SIK3: variants seen among roughly 807,000 people sequenced by gnomAD.
SIK3 encodes serine/threonine-protein kinase SIK3.
In SIK3, 28 loss-of-function variants were observed where a neutral mutation model predicts 144.2. That is an observed-to-expected ratio of 0.19 (90% confidence interval 0.14 to 0.27). The LOEUF (loss-of-function observed/expected upper bound fraction) is 0.27. Among genes scored for constraint, SIK3 ranks in the 10% least tolerant of loss-of-function variants. The pLI is 1.00. For missense variants in SIK3, 1,319 were observed against 1,776.0 expected, an observed-to-expected ratio of 0.74 and a Z score of 4.62; for synonymous variants, 686 against 676.3, an observed-to-expected ratio of 1.01 and a Z score of -0.22.
chr11:117,039,435 C>T (rs779518786), intron 1 of SIK3, among the ~76,000 whole-genome samples: 1 of 152,108 alleles, frequency 6.6e-6, no homozygotes, highest in Non-Finnish European at 1.5e-5. Context: ...CAGAACAAAC[C>T]CTACAATTAA....
At chr11:116,862,390 G>T in intron 16 of SIK3, 63 bp from the exon 17 acceptor site, 1 of 1,606,290 alleles carries the variant, frequency 6.2e-7, no homozygotes. Context: ...AGTGATTTCA[G>T]CAGATGCAGA....
intron 1 of SIK3, among the ~76,000 whole-genome samples, chr11:116,992,222 G>A (rs909857640): frequency 2.6e-5 from 4 of 151,734 alleles, no homozygotes; most frequent in African/African-American, 4.8e-5. Flanking sequence ...CTACTCAGGA[G>A]GCTGAGGCAA....
chr11:117,019,669 A>AGT (rs1391363191), intron 1 of SIK3, among the ~76,000 whole-genome samples: 2 of 151,582 alleles, frequency 1.3e-5, no homozygotes, highest in Admixed American at 6.6e-5. Context: ...GCTGGGATGC[A>AGT]GTGGCGTGAT....
chr11:117,087,466 G>A (rs1202492549), intron 1 of SIK3, among the ~76,000 whole-genome samples: 1 of 152,004 alleles, frequency 6.6e-6, no homozygotes. Context: ...ATTTACACTT[G>A]AATTCTTGTC....
intron 6 of SIK3, among the ~76,000 whole-genome samples, chr11:116,893,048 G>A (rs1277260280): frequency 6.6e-6 from 1 of 152,192 alleles, no homozygotes; most frequent in African/African-American, 2.4e-5. Flanking sequence ...TAGTTGCAGG[G>A]GGTTAGGGAG....
intron 1 of SIK3, among the ~76,000 whole-genome samples, chr11:116,989,443 G>T (rs546794422): frequency 5.3e-5 from 8 of 152,178 alleles, no homozygotes; most frequent in African/African-American, 1.7e-4. Context: ...AAATGTTGCT[G>T]GCTCAACACA....
chr11:116,964,894 T>C (rs996849548), intron 1 of SIK3, among the ~76,000 whole-genome samples: 20 of 151,708 alleles, frequency 1.3e-4, no homozygotes, highest in African/African-American at 4.6e-4. Context: ...AAAATAATAA[T>C]AATAATAATA....
At position 116,927,334 on chromosome 11, in the gene SIK3, C is replaced by G; in HGVS notation, c.501G>C (p.Arg167=). Residue 167 remains arginine (R), a synonymous_variant, in exon 4 of 25, where the codon CGG becomes CGC. Transcript: ENST00000445177. ...HGRMAEKEAR[R]KFKQIVTAVY... is the part of the protein sequence containing the mutation. ...CAGCTGTGACGATCTGTTTGAACTT[C>G]CGACGTGCCTCCTTTTCTGCCATTC... 1.9e-6 allele frequency: 3 copies of G among 1,614,030 alleles called. 1 individual carries two copies. The South Asian group carries it at 3.3e-5, about 18-fold the overall frequency.
intron 1 of SIK3, among the ~76,000 whole-genome samples, chr11:117,090,393 A>G (rs145836566): frequency 5.8e-4 from 88 of 152,282 alleles, no homozygotes; most frequent in African/African-American, 1.7e-3. Context: ...AATGAAAAAA[A>G]AAAAAAAGAG....
In SIK3 at chr11:117,050,059, G is replaced by A. The variant is rs11216246; in HGVS notation, c.273+48084C>T. On this transcript the variant is annotated intron_variant, in intron 1 of 24. Transcript: ENST00000445177. Reference sequence around the variant, plus strand: ...TAATCCCAATGCTCTGGGAGGCCAAGGCAGGCGGATCACCTGAGGTCAGGG... The same window carrying A: ...TAATCCCAATGCTCTGGGAGGCCAAAGCAGGCGGATCACCTGAGGTCAGGG... Among the ~76,000 whole-genome samples, 1,169 of 152,294 alleles carry A rather than the reference G, an allele frequency of 7.7e-3. 14 individuals carry two copies. Among genetic ancestry groups the A allele is most frequent in the African/African-American group, 0.024 (1,001 of 41,560 alleles).
rs554818440 is a variant in SIK3, at chr11:117,018,590, T to C, written c.274-61526A>G. Among the ~76,000 whole-genome samples, 3 of 152,094 alleles carry C rather than the reference T, an allele frequency of 2.0e-5. No individual in the cohort carries two copies. In the South Asian group the frequency reaches 6.2e-4, roughly 32 times the overall value. ...TCCAAACCAGCCTAATTAACTGCAGTCCACAGCAAGTGGGCAAATGTTGCT... is the reference window on the plus strand; with the variant it reads ...TCCAAACCAGCCTAATTAACTGCAGCCCACAGCAAGTGGGCAAATGTTGCT... On this transcript the variant is annotated intron_variant, in intron 1 of 24. Coordinates refer to ENST00000445177, the MANE Select transcript of SIK3 (RefSeq NM_001366686.3).
intron 1 of SIK3, among the ~76,000 whole-genome samples, chr11:117,086,941 G>C (rs1413408837): frequency 2.0e-5 from 3 of 147,078 alleles, no homozygotes; most frequent in Non-Finnish European, 3.0e-5. Context: ...GTTGCAGTGA[G>C]CCAAGATCAC....
chr11:116,878,783 GTT>G (rs1944395942), intron 6 of SIK3, among the ~76,000 whole-genome samples: 1 of 152,114 alleles, frequency 6.6e-6, no homozygotes, highest in African/African-American at 2.4e-5. Context: ...GTGTTTTTTT[GTT>G]TGTTTTTTCC....
At chr11:116,949,800 T>TG (rs1452680579) in intron 3 of SIK3, among the ~76,000 whole-genome samples, 1 of 152,218 alleles carries the variant, frequency 6.6e-6, no homozygotes, top group Non-Finnish European at 1.5e-5. Context: ...CCCTCTACTG[T>TG]TCTTGAGAGT....
intron 1 of SIK3, among the ~76,000 whole-genome samples, chr11:117,008,075 C>CAAAAAAAAA (rs59486431): frequency 3.7e-5 from 2 of 54,662 alleles, no homozygotes; most frequent in East Asian, 7.8e-4. Context: ...GACTCCATCT[C>CAAAAAAAAA]AAAAAAAAAA....
At chr11:117,011,174 A>G (rs540838034) in intron 1 of SIK3, among the ~76,000 whole-genome samples, 1 of 152,292 alleles carries the variant, frequency 6.6e-6, no homozygotes, top group South Asian at 2.1e-4. Context: ...TATAAATTTT[A>G]AAAGAAGAAA....
At chr11:117,016,259 G>T (rs1951517880) in intron 1 of SIK3, among the ~76,000 whole-genome samples, 1 of 148,308 alleles carries the variant, frequency 6.7e-6, no homozygotes, top group Non-Finnish European at 1.5e-5. Flanking sequence ...CCAGGAGGCG[G>T]CCCTTGCAGT....
At chr11:117,067,932 C>G (rs894477389) in intron 1 of SIK3, among the ~76,000 whole-genome samples, 4 of 151,926 alleles carry the variant, frequency 2.6e-5, no homozygotes, top group Admixed American at 2.0e-4. Context: ...TGCAGTGAGC[C>G]GAGATCGCGC....
chr11:117,083,764 TTC>T (rs1299001971), intron 1 of SIK3, among the ~76,000 whole-genome samples: 1 of 152,168 alleles, frequency 6.6e-6, no homozygotes, highest in Non-Finnish European at 1.5e-5. Flanking sequence ...ATAAAAACAG[TTC>T]TGTTTCTTGC....
Sources: allele counts gnomAD v4.1 joint callset (sites outside exome capture counted in the v4.1 genomes callset), GRCh38; gene constraint gnomAD v4.1.1; transcripts MANE v1.5; gene names NCBI Gene and HGNC (gene_info 2026-07-23, HGNC 2026-07-21).